Variants in CNGB3 observed in about 807,000 individuals in gnomAD.
CNGB3 encodes cyclic nucleotide gated channel subunit beta 3, also known as cyclic nucleotide-gated channel beta-3.
Under a neutral mutation model 92.8 loss-of-function variants are expected in CNGB3, and 86 were observed. That is an observed-to-expected ratio of 0.93 (90% confidence interval 0.78 to 1.11). The LOEUF (loss-of-function observed/expected upper bound fraction) is 1.11, where lower values mean the gene tolerates loss of function less well. Among genes scored for constraint, CNGB3 ranks in the 50% least tolerant of loss-of-function variants. The pLI is 0.00. For synonymous variants in CNGB3, 333 were observed against 332.7 expected, an observed-to-expected ratio of 1.00 and a Z score of -0.01; for missense variants, 1,026 against 956.8, an observed-to-expected ratio of 1.07 and a Z score of -0.95.
chr8:86,593,835 TG>T, intron 15 of CNGB3: 1 of 993,624 alleles, frequency 1.0e-6, no homozygotes, highest in Non-Finnish European at 1.5e-6. Context: ...TCAGGGAAGT[TG>T]GTCAAATTGA....
In CNGB3 at chr8:86,694,169, G is replaced by A. The variant is rs1447714184; in HGVS notation, c.339-23071C>T. Among the ~76,000 whole-genome samples, 271 of 133,388 alleles carry A rather than the reference G, an allele frequency of 2.0e-3. 5 individuals carry two copies. Among genetic ancestry groups the A allele is most frequent in the African/African-American group, 7.5e-3 (257 of 34,344 alleles). 87.5% of individuals were successfully genotyped at this position (133,388 alleles called of 152,430 possible). On this transcript the variant is annotated intron_variant, in intron 3 of 17. Transcript: ENST00000320005. ...TCCTGGACGGGGCGGCTGGCCGGGC[G>A]GGGGGCTGACCCCCCCCACCTCCCT...
intron 6 of CNGB3, among the ~76,000 whole-genome samples, chr8:86,662,928 T>C (rs1823671967): frequency 6.6e-6 from 1 of 152,178 alleles, no homozygotes; most frequent in African/African-American, 2.4e-5. Flanking sequence ...TATTCCCATT[T>C]TGGGGGATGA....
intron 13 of CNGB3, among the ~76,000 whole-genome samples, chr8:86,618,294 TG>T (rs1563728590): frequency 6.6e-6 from 1 of 152,208 alleles, no homozygotes; most frequent in African/African-American, 2.4e-5. Flanking sequence ...TCTGTGGCCC[TG>T]GGGTGGGGAC....
At chr8:86,612,635 T>C (rs1298878739) in intron 13 of CNGB3, among the ~76,000 whole-genome samples, 1 of 152,208 alleles carries the variant, frequency 6.6e-6, no homozygotes, top group African/African-American at 2.4e-5. Flanking sequence ...TAGATCCATA[T>C]GAAATTTAGA....
In CNGB3 at chr8:86,663,294, A is replaced by G. The variant is rs116547890; in HGVS notation, c.852+3631T>C. The stretch of plus-strand genomic sequence containing the variant: ...CTGTGCATGTGAGTGTCTCTTATCT[A>G]AATAATCTTCACTGTCATTTCCAAC... On this transcript the variant is annotated intron_variant, in intron 6 of 17. Transcript: ENST00000320005. Among the ~76,000 whole-genome samples, 699 of 152,344 alleles carry G rather than the reference A, an allele frequency of 4.6e-3. 5 individuals carry two copies. Among genetic ancestry groups the G allele is most frequent in the African/African-American group, 0.016 (658 of 41,576 alleles).
At chr8:86,598,421 G>A (rs968702823) in intron 15 of CNGB3, among the ~76,000 whole-genome samples, 10 of 152,196 alleles carry the variant, frequency 6.6e-5, no homozygotes, top group Middle Eastern at 3.2e-3. Context: ...AGAGTGTCAA[G>A]CATGTTTTGT....
At chr8:86,619,007 C>G (rs1822672149) in intron 13 of CNGB3, among the ~76,000 whole-genome samples, 1 of 152,208 alleles carries the variant, frequency 6.6e-6, no homozygotes, top group Non-Finnish European at 1.5e-5. Flanking sequence ...AGTCAAAGAT[C>G]CCAGTGAGGT....
chr8:86,680,929 T>C (rs375293838), intron 3 of CNGB3, among the ~76,000 whole-genome samples: 4 of 152,254 alleles, frequency 2.6e-5, no homozygotes, highest in South Asian at 4.1e-4. Context: ...ATTATCACCA[T>C]GTGCTAATAC....
chr8:86,631,136 C>A (rs1822953580), intron 11 of CNGB3, among the ~76,000 whole-genome samples: 1 of 152,096 alleles, frequency 6.6e-6, no homozygotes, highest in Admixed American at 6.6e-5. Context: ...AATTTAAAAG[C>A]AGATGTGGTG....
intron 6 of CNGB3, chr8:86,660,931 G>A: frequency 3.6e-6 from 1 of 279,064 alleles, no homozygotes; most frequent in East Asian, 9.4e-5. Context: ...CCCAGAAAAG[G>A]CCCTTCTTTC....
intron 14 of CNGB3, among the ~76,000 whole-genome samples, chr8:86,608,946 C>A (rs774524542): frequency 2.0e-5 from 3 of 152,152 alleles, no homozygotes; most frequent in Non-Finnish European, 2.9e-5. Flanking sequence ...GCTGTCTTTT[C>A]TTCTATCTCC....
intron 3 of CNGB3, among the ~76,000 whole-genome samples, chr8:86,678,549 C>T (rs960974664): frequency 1.4e-4 from 21 of 152,134 alleles, no homozygotes; most frequent in Non-Finnish European, 3.1e-4. Context: ...GAATATGCTG[C>T]AATGCATGTA....
At chr8:86,615,830 C>A (rs964916715) in intron 13 of CNGB3, among the ~76,000 whole-genome samples, 14 of 152,096 alleles carry the variant, frequency 9.2e-5, no homozygotes, top group African/African-American at 3.4e-4. Context: ...TGAGGGTCAT[C>A]TTAGTGGCCA....
intron 3 of CNGB3, among the ~76,000 whole-genome samples, chr8:86,699,495 TAA>T: frequency 6.6e-6 from 1 of 152,102 alleles, no homozygotes; most frequent in Admixed American, 6.6e-5. Flanking sequence ...AAATAATACA[TAA>T]AAAAGACTAC....
intron 11 of CNGB3, 118 bp from the exon 12 acceptor site, chr8:86,629,196 T>A: frequency 8.5e-7 from 1 of 1,170,462 alleles, no homozygotes; most frequent in Non-Finnish European, 1.3e-6. Flanking sequence ...TTGATTTTAT[T>A]CATTCATTCA....
At chr8:86,677,469 G>T (rs1462303402) in intron 3 of CNGB3, among the ~76,000 whole-genome samples, 3 of 152,186 alleles carry the variant, frequency 2.0e-5, no homozygotes, top group African/African-American at 7.2e-5. Flanking sequence ...AGGGAGGACT[G>T]CGTGGTAGAT....
chr8:86,637,395 T>A (rs1484253621), intron 10 of CNGB3, among the ~76,000 whole-genome samples: 1 of 152,186 alleles, frequency 6.6e-6, no homozygotes, highest in African/African-American at 2.4e-5. Context: ...GGAAGTGGGA[T>A]GCCTTTGGCT....
At chr8:86,611,850 TA>T (rs1822529106) in intron 13 of CNGB3, among the ~76,000 whole-genome samples, 179 bp from the exon 14 acceptor site, 1 of 152,074 alleles carries the variant, frequency 6.6e-6, no homozygotes, top group Non-Finnish European at 1.5e-5. Flanking sequence ...ACCTATAGTA[TA>T]ATGGCAAGAA....
At chr8:86,640,955 A>G (rs899761831) in intron 10 of CNGB3, among the ~76,000 whole-genome samples, 1 of 152,000 alleles carries the variant, frequency 6.6e-6, no homozygotes, top group Admixed American at 6.6e-5. Flanking sequence ...CCAGGAGGTT[A>G]AGCATCCTAA....
Sources: gnomAD v4.1 joint callset for allele counts (sites outside exome capture counted in the v4.1 genomes callset) on GRCh38, gnomAD v4.1.1 for gene constraint, MANE v1.5 for transcripts, NCBI Gene and HGNC (gene_info 2026-07-23, HGNC 2026-07-21) for gene names.